The following DYNC1I1 variants were observed in gnomAD, a reference collection of about 807,000 sequenced individuals.
The protein encoded by DYNC1I1 is dynein cytoplasmic 1 intermediate chain 1.
In DYNC1I1, 43 loss-of-function variants were observed where a neutral mutation model predicts 86.6. The observed-to-expected ratio is 0.50, with a 90% CI of 0.39 to 0.64. The LOEUF is 0.64. DYNC1I1 is among the 30% of genes least tolerant of loss of function. DYNC1I1 has a pLI of 0.00. For missense variants in DYNC1I1, 604 were observed against 788.8 expected, an observed-to-expected ratio of 0.77 and a Z score of 2.81; for synonymous variants, 262 against 283.7, an observed-to-expected ratio of 0.92 and a Z score of 0.77.
chr7:95,977,422 C>A (rs1789532450), intron 6 of DYNC1I1, 90 bp from the exon 7 acceptor site: 5 of 1,200,332 alleles, frequency 4.2e-6, no homozygotes, highest in Admixed American at 2.5e-5. Flanking sequence ...ATGATTGGAA[C>A]TTTACCCTTT....
At chr7:95,993,331 G>T (rs1793776793) in intron 9 of DYNC1I1, among the ~76,000 whole-genome samples, 1 of 152,126 alleles carries the variant, frequency 6.6e-6, no homozygotes, top group Admixed American at 6.5e-5. Flanking sequence ...GAGTTTTAAA[G>T]CTAAATAATT....
intron 16 of DYNC1I1, among the ~76,000 whole-genome samples, chr7:96,104,339 A>G (rs1791182565): frequency 6.6e-6 from 1 of 152,110 alleles, no homozygotes; most frequent in African/African-American, 2.4e-5. Flanking sequence ...CATTTCCTTA[A>G]TATAATATTT....
chr7:96,068,315 G>C (rs1790055888), intron 14 of DYNC1I1, among the ~76,000 whole-genome samples: 1 of 152,104 alleles, frequency 6.6e-6, no homozygotes, highest in Non-Finnish European at 1.5e-5. Flanking sequence ...TTGAACTTCT[G>C]CTATTTGTGA....
At chr7:95,961,307 C>G (rs935089223) in intron 6 of DYNC1I1, among the ~76,000 whole-genome samples, 1 of 152,102 alleles carries the variant, frequency 6.6e-6, no homozygotes, top group Admixed American at 6.6e-5. Flanking sequence ...TTTAGGGGCC[C>G]TTCAACTTCA....
intron 4 of DYNC1I1, among the ~76,000 whole-genome samples, chr7:95,825,828 C>T (rs1207881764): frequency 1.3e-5 from 2 of 152,164 alleles, no homozygotes; most frequent in African/African-American, 4.8e-5. Context: ...TAGTCTAGCT[C>T]TGTCATTCTC....
intron 15 of DYNC1I1, among the ~76,000 whole-genome samples, chr7:96,077,090 A>G (rs1169436793): frequency 1.3e-5 from 2 of 152,158 alleles, no homozygotes; most frequent in Non-Finnish European, 2.9e-5. Context: ...AAGAATGGAC[A>G]GGTAAGAGGA....
intron 10 of DYNC1I1, among the ~76,000 whole-genome samples, chr7:96,000,122 T>C (rs988767435): frequency 3.9e-5 from 6 of 152,142 alleles, no homozygotes; most frequent in Non-Finnish European, 5.9e-5. Flanking sequence ...GGCTAAGAAG[T>C]GGTTATTACA....
chr7:95,813,520 G>A (rs1178535929), intron 4 of DYNC1I1, among the ~76,000 whole-genome samples, 183 bp downstream of exon 4: 1 of 152,078 alleles, frequency 6.6e-6, no homozygotes, highest in African/African-American at 2.4e-5. Flanking sequence ...TTGAACACTA[G>A]AAATGATCAA....
chr7:96,103,049 G>A (rs915110524), downstream of DYNC1I1, among the ~76,000 whole-genome samples: 1 of 152,166 alleles, frequency 6.6e-6, no homozygotes, highest in Non-Finnish European at 1.5e-5. Context: ...TAAGTAAGCT[G>A]CATGAGCAAG....
chr7:95,956,323 T>C (rs1161201977), intron 6 of DYNC1I1, among the ~76,000 whole-genome samples: 2 of 152,206 alleles, frequency 1.3e-5, no homozygotes, highest in East Asian at 3.9e-4. Context: ...CTTAGCCACC[T>C]TTGCTATCTC....
At chr7:95,929,698 G>A (rs370151193) in intron 6 of DYNC1I1, among the ~76,000 whole-genome samples, 2 of 152,072 alleles carry the variant, frequency 1.3e-5, no homozygotes, top group Admixed American at 1.3e-4. Context: ...CTCCCCCAAG[G>A]GTAACCACTA....
Position 95,924,197 on chromosome 7 carries a change from T to C in DYNC1I1, c.491-53315T>C, listed in dbSNP as rs529788749. Among the ~76,000 whole-genome samples the C allele has an allele frequency of 1.1e-4, 17 of 152,326 alleles. 1 individual carries two copies. The highest frequency in any genetic ancestry group is 3.8e-4 in the African/African-American group (16 of 41,586). ...ATAGTGATTCTGAGATACAATCTTC[T>C]GTGTTTTGTATCTCAAATTGTCCCA... On this transcript the variant is annotated intron_variant, in intron 6 of 16. Transcript: ENST00000447467.
At chr7:95,854,356 T>A (rs1415123592) in intron 5 of DYNC1I1, among the ~76,000 whole-genome samples, 1 of 152,098 alleles carries the variant, frequency 6.6e-6, no homozygotes, top group African/African-American at 2.4e-5. Context: ...CAAACATAGG[T>A]ATAGATAGTT....
intron 6 of DYNC1I1, among the ~76,000 whole-genome samples, chr7:95,973,710 T>C (rs570624541): frequency 4.3e-4 from 66 of 152,326 alleles, no homozygotes; most frequent in Middle Eastern, 3.4e-3. Flanking sequence ...AAGCTCGTAG[T>C]GGCATTTTTG....
chr7:95,944,569 G>T (rs1792339741), intron 6 of DYNC1I1, among the ~76,000 whole-genome samples: 1 of 152,116 alleles, frequency 6.6e-6, no homozygotes, highest in African/African-American at 2.4e-5. Flanking sequence ...AAAGACACAT[G>T]CACATGTATG....
intron 6 of DYNC1I1, among the ~76,000 whole-genome samples, chr7:95,890,617 T>C (rs148799612): frequency 3.0e-3 from 461 of 152,304 alleles, no homozygotes; most frequent in African/African-American, 1.0e-2. Flanking sequence ...AAAATTAAAT[T>C]AATGAGATGC....
At chr7:96,048,082 G>A (rs1401548746) in intron 14 of DYNC1I1, among the ~76,000 whole-genome samples, 6 of 152,126 alleles carry the variant, frequency 3.9e-5, no homozygotes, top group Non-Finnish European at 7.4e-5. Flanking sequence ...ATCTGTTAAC[G>A]ATGATGGGAA....
intron 2 of DYNC1I1, among the ~76,000 whole-genome samples, chr7:95,806,141 G>T (rs1311427989): frequency 6.6e-6 from 1 of 152,090 alleles, no homozygotes; most frequent in Non-Finnish European, 1.5e-5. Flanking sequence ...TCCATGCAAA[G>T]TCAAAAAAAG....
intron 6 of DYNC1I1, among the ~76,000 whole-genome samples, chr7:95,884,886 A>G (rs905112773): frequency 1.4e-4 from 22 of 152,342 alleles, no homozygotes; most frequent in African/African-American, 4.8e-4. Flanking sequence ...GTAAAAGCTA[A>G]TCTACCTCAT....
Sources: gnomAD v4.1 joint callset for allele counts (sites outside exome capture counted in the v4.1 genomes callset) on GRCh38, gnomAD v4.1.1 for gene constraint, MANE v1.5 for transcripts, NCBI Gene and HGNC (gene_info 2026-07-23, HGNC 2026-07-21) for gene names.